The following PACRG variants were observed in gnomAD, a reference collection of about 807,000 sequenced individuals.
PACRG encodes the protein parkin coregulated.
A neutral mutation model predicts 29.7 loss-of-function variants in PACRG; 29 were observed. The observed-to-expected ratio is 0.98, with a 90% confidence interval of 0.73 to 1.33. The LOEUF is 1.33. Among genes scored for constraint, PACRG ranks in the 40% most tolerant of loss-of-function variants. The probability of loss-of-function intolerance (pLI) is 0.00; values close to 1 mark genes in which losing one functional copy is unlikely to be tolerated. For missense variants in PACRG, 279 were observed against 316.2 expected (o/e 0.88, Z 0.89); for synonymous variants, 116 against 118.7 (o/e 0.98, Z 0.15).
chr6:163,121,948 C>T (rs1026948897), intron 4 of PACRG, among the ~76,000 whole-genome samples: 1 of 152,110 alleles, frequency 6.6e-6, no homozygotes, highest in Non-Finnish European at 1.5e-5. Context: ...AGGTGTGAGC[C>T]ACCACGCCTG....
intron 2 of PACRG, chr6:163,054,188 T>G (rs1418031833): frequency 1.3e-5 from 2 of 152,194 alleles, no homozygotes; most frequent in Admixed American, 1.3e-4. Context: ...CGTGACCGTA[T>G]TTGGAGATGG....
At chr6:162,959,754 C>T (rs1010695704) in intron 2 of PACRG, among the ~76,000 whole-genome samples, 3 of 152,056 alleles carry the variant, frequency 2.0e-5, no homozygotes, top group African/African-American at 7.2e-5. Context: ...CTGGCTTGGA[C>T]CAAGGTGCAG....
chr6:162,942,864 G>A (rs1798730200), intron 2 of PACRG, among the ~76,000 whole-genome samples: 1 of 152,182 alleles, frequency 6.6e-6, no homozygotes. Context: ...AAAATAGTGA[G>A]TAGATAATCA....
chr6:163,220,784 G>A (rs1011502374), intron 4 of PACRG, among the ~76,000 whole-genome samples: 2 of 152,080 alleles, frequency 1.3e-5, no homozygotes, highest in African/African-American at 2.4e-5. Flanking sequence ...ATTAATAATG[G>A]CTAAACTGTA....
At chr6:163,278,400 T>A (rs1206153190) in intron 4 of PACRG, among the ~76,000 whole-genome samples, 1 of 152,218 alleles carries the variant, frequency 6.6e-6, no homozygotes, top group African/African-American at 2.4e-5. Flanking sequence ...GGTCATGAAG[T>A]CTTTGTCTAA....
chr6:162,764,029 AT>A (rs1433439603), intron 1 of PACRG, among the ~76,000 whole-genome samples: 1 of 152,152 alleles, frequency 6.6e-6, no homozygotes, highest in Non-Finnish European at 1.5e-5. Flanking sequence ...TAATTCCAGT[AT>A]TTTGGGAGGG....
intron 2 of PACRG, among the ~76,000 whole-genome samples, chr6:162,907,063 A>C (rs1398336585): frequency 6.6e-6 from 1 of 151,958 alleles, no homozygotes; most frequent in Non-Finnish European, 1.5e-5. Flanking sequence ...CCTTAAATTA[A>C]AAATCTACAC....
At chr6:163,089,138 A>G (rs1307300299) in intron 3 of PACRG, 121 bp from the exon 4 acceptor site, 2 of 965,640 alleles carry the variant, frequency 2.1e-6, no homozygotes, top group Non-Finnish European at 3.0e-6. Context: ...ATAAAGGCCC[A>G]TTGGTCCCCA....
intron 4 of PACRG, among the ~76,000 whole-genome samples, chr6:163,206,239 T>C (rs1042433470): frequency 1.3e-5 from 2 of 152,132 alleles, no homozygotes; most frequent in Non-Finnish European, 2.9e-5. Context: ...ATAAATCATT[T>C]TACCATAAAG....
chr6:162,739,838 C>CT (rs1382882069), intron 1 of PACRG, among the ~76,000 whole-genome samples: 1 of 83,920 alleles, frequency 1.2e-5, no homozygotes, highest in Non-Finnish European at 2.1e-5. Flanking sequence ...GAGGCTCCAT[C>CT]TTTAAAAAAA....
At chr6:163,155,089 C>A (rs1410008197) in intron 4 of PACRG, among the ~76,000 whole-genome samples, 1 of 152,180 alleles carries the variant, frequency 6.6e-6, no homozygotes, top group African/African-American at 2.4e-5. Flanking sequence ...CCACTTTCTC[C>A]CCATACCTCT....
At chr6:163,212,338 A>G (rs554725008) in intron 4 of PACRG, among the ~76,000 whole-genome samples, 1 of 152,264 alleles carries the variant, frequency 6.6e-6, no homozygotes, top group East Asian at 1.9e-4. Flanking sequence ...GTGGCACCCC[A>G]AAAGCAGTGA....
At position 162,845,228 on chromosome 6, in the gene PACRG, AAAAC is replaced by A. The variant is rs537531266; in HGVS notation, c.291+30959_291+30962del. ...TACTTCAGACAAAATACTAGGTTAA[AAAAC>A]AAACAAACAAAACCCCACTGACCCC... On this transcript the variant is annotated intron_variant, in intron 2 of 4. Transcript: ENST00000366888. Among the ~76,000 whole-genome samples the A allele has an allele frequency of 6.4e-4, 98 of 152,314 alleles. 1 individual carries two copies. Among genetic ancestry groups the A allele is most frequent in the Admixed American group, 1.8e-3 (28 of 15,286 alleles).
At chr6:162,800,420 G>A (rs1562609995) in intron 1 of PACRG, among the ~76,000 whole-genome samples, 1 of 152,110 alleles carries the variant, frequency 6.6e-6, no homozygotes, top group Non-Finnish European at 1.5e-5. Context: ...AGACTATAGA[G>A]ACATTTTTGA....
intron 4 of PACRG, among the ~76,000 whole-genome samples, chr6:163,297,262 A>G (rs1357393516): frequency 1.3e-5 from 2 of 152,346 alleles, no homozygotes; most frequent in South Asian, 4.2e-4. Context: ...ACTGGTGCTT[A>G]AAGGGAATGT....
chr6:163,180,191 AT>A (rs1358057177), intron 4 of PACRG, among the ~76,000 whole-genome samples: 1 of 152,094 alleles, frequency 6.6e-6, no homozygotes, highest in Non-Finnish European at 1.5e-5. Context: ...TGTGCTAGAG[AT>A]TCTGGTTTTG....
intron 1 of PACRG, among the ~76,000 whole-genome samples, chr6:162,773,408 A>G (rs542738596): frequency 1.3e-5 from 2 of 151,778 alleles, no homozygotes; most frequent in South Asian, 2.1e-4. Context: ...AGATGTAGAT[A>G]TTAATAATAC....
At chr6:162,825,020 T>C (rs1300111508) in intron 2 of PACRG, among the ~76,000 whole-genome samples, 1 of 152,218 alleles carries the variant, frequency 6.6e-6, no homozygotes, top group African/African-American at 2.4e-5. Flanking sequence ...TGGTTATCTA[T>C]TTCAGGGAGT....
chr6:163,311,415 G>T (rs1417670281), intron 4 of PACRG, among the ~76,000 whole-genome samples: 1 of 152,018 alleles, frequency 6.6e-6, no homozygotes, highest in Admixed American at 6.6e-5. Context: ...TAACCATTTG[G>T]GTTTATTCGT....
Sources: gnomAD v4.1 joint callset for allele counts (sites outside exome capture counted in the v4.1 genomes callset) on GRCh38, gnomAD v4.1.1 for gene constraint, MANE v1.5 for transcripts, NCBI Gene and HGNC (gene_info 2026-07-23, HGNC 2026-07-21) for gene names.